The following EXT1 variants were observed in gnomAD, a reference collection of about 807,000 sequenced individuals.
EXT1 encodes exostosin-1.
Under a neutral mutation model 82.5 loss-of-function variants are expected in EXT1, and 20 were observed. The observed-to-expected ratio is 0.24, with a 90% CI of 0.17 to 0.35. The LOEUF (loss-of-function observed/expected upper bound fraction) is 0.35. Among genes scored for constraint, EXT1 ranks in the 10% least tolerant of loss-of-function variants. EXT1 has a pLI of 1.00. For missense variants in EXT1, 757 were observed against 936.5 expected (o/e 0.81, Z 2.50); for synonymous variants, 348 against 350.8 (o/e 0.99, Z 0.09).
intron 1 of EXT1, among the ~76,000 whole-genome samples, chr8:118,051,740 C>T (rs2129925065): frequency 6.6e-6 from 1 of 151,294 alleles, no homozygotes; most frequent in Middle Eastern, 3.4e-3. Flanking sequence ...CAGGTAAACC[C>T]AATCAGCTAT....
intron 1 of EXT1, among the ~76,000 whole-genome samples, chr8:118,051,033 AC>A: frequency 6.6e-6 from 1 of 152,234 alleles, no homozygotes; most frequent in Non-Finnish European, 1.5e-5. Context: ...TAATCCATAC[AC>A]ACAAATATAG....
intron 1 of EXT1, among the ~76,000 whole-genome samples, chr8:117,846,106 T>A (rs1267622421): frequency 6.6e-6 from 1 of 152,164 alleles, no homozygotes; most frequent in East Asian, 1.9e-4. Flanking sequence ...CACCAGCTTT[T>A]TCTTTTTTCC....
intron 1 of EXT1, among the ~76,000 whole-genome samples, chr8:117,949,397 CAGAG>C (rs779009367): frequency 1.9e-4 from 28 of 151,230 alleles, no homozygotes; most frequent in Non-Finnish European, 4.0e-4. Flanking sequence ...AATAATGGAC[CAGAG>C]AGAAAGTTGA....
intron 1 of EXT1, among the ~76,000 whole-genome samples, chr8:118,096,574 G>A (rs1013614746): frequency 2.7e-5 from 4 of 149,452 alleles, no homozygotes; most frequent in Admixed American, 2.0e-4. Flanking sequence ...GCGGCCTGGC[G>A]ACAGAGCAAG....
At chr8:117,923,581 C>A (rs1813898404) in intron 1 of EXT1, among the ~76,000 whole-genome samples, 1 of 151,658 alleles carries the variant, frequency 6.6e-6, no homozygotes. Context: ...AAAAAATTAG[C>A]CAGGCATGGT....
At chr8:117,864,234 G>A (rs899982430) in intron 1 of EXT1, among the ~76,000 whole-genome samples, 4 of 152,106 alleles carry the variant, frequency 2.6e-5, no homozygotes, top group Non-Finnish European at 5.9e-5. Context: ...CCAGACTAAG[G>A]AACAGGTTTA....
intron 1 of EXT1, among the ~76,000 whole-genome samples, chr8:117,969,773 A>G (rs1814901865): frequency 6.6e-6 from 1 of 152,152 alleles, no homozygotes; most frequent in African/African-American, 2.4e-5. Flanking sequence ...AGCTTATTGA[A>G]TATTTCCACC....
At chr8:118,051,415 A>C (rs931340467) in intron 1 of EXT1, among the ~76,000 whole-genome samples, 3 of 152,232 alleles carry the variant, frequency 2.0e-5, no homozygotes, top group Admixed American at 2.0e-4. Context: ...TTATCCTTTT[A>C]TTCTCGCTAT....
chr8:117,949,512 G>A (rs538857446), intron 1 of EXT1, among the ~76,000 whole-genome samples: 1 of 148,718 alleles, frequency 6.7e-6, no homozygotes, highest in East Asian at 1.9e-4. Context: ...ATGTATATAT[G>A]ATATATAAAT....
intron 1 of EXT1, among the ~76,000 whole-genome samples, chr8:118,058,916 T>A (rs976709197): frequency 1.8e-4 from 28 of 152,216 alleles, no homozygotes; most frequent in Non-Finnish European, 3.5e-4. Flanking sequence ...TCAGCTTCCC[T>A]CAATCCAACC....
chr8:117,973,851 GAAAGGAAAGGAAAGGA>G (rs1815001975), intron 1 of EXT1, among the ~76,000 whole-genome samples: 1 of 139,798 alleles, frequency 7.2e-6, no homozygotes, highest in Non-Finnish European at 1.5e-5. Flanking sequence ...GAAAGGAAAG[GAAAGGAAAGGAAAGGA>G]AAGGAAAGGA....
At chr8:117,810,057 A>C (rs976654747) in intron 8 of EXT1, among the ~76,000 whole-genome samples, 1 of 152,240 alleles carries the variant, frequency 6.6e-6, no homozygotes, top group Non-Finnish European at 1.5e-5. Flanking sequence ...TGATAGCTCT[A>C]ATTTCATGCA....
At chr8:118,027,339 AC>A (rs1816220955) in intron 1 of EXT1, among the ~76,000 whole-genome samples, 2 of 151,800 alleles carry the variant, frequency 1.3e-5, no homozygotes, top group Admixed American at 1.3e-4. Flanking sequence ...ACACACACAC[AC>A]ACACACACAC....
intron 1 of EXT1, among the ~76,000 whole-genome samples, chr8:117,882,330 G>A (rs1461326371): frequency 1.3e-5 from 2 of 152,182 alleles, no homozygotes; most frequent in Admixed American, 6.5e-5. Context: ...TGATCCGCCC[G>A]CCTTGGCCTC....
At chr8:117,865,800 C>A (rs771155946) in intron 1 of EXT1, among the ~76,000 whole-genome samples, 88 of 152,060 alleles carry the variant, frequency 5.8e-4, no homozygotes, top group Non-Finnish European at 1.1e-3. Flanking sequence ...ATATTTACAC[C>A]GAGTTATATT....
Position 118,010,868 on chromosome 8 carries a change from G to A in EXT1, c.962+99217C>T, listed in dbSNP as rs1258481255. Among the ~76,000 whole-genome samples, 5 of 152,188 alleles carry A rather than the reference G, an allele frequency of 3.3e-5. No homozygotes were observed. The South Asian group carries it at 6.2e-4, about 19-fold the overall frequency. ...GCTAGAAGCCACTTCCGTGGCAGAC[G>A]CTCTGGGTGCCAAGGTTTACAGTAA... On this transcript the variant is annotated intron_variant, in intron 1 of 10. Transcript: ENST00000378204.
At chr8:117,996,812 A>T (rs183112024) in intron 1 of EXT1, among the ~76,000 whole-genome samples, 68 of 152,352 alleles carry the variant, frequency 4.5e-4, no homozygotes, top group African/African-American at 1.5e-3. Context: ...GGCTCATTGT[A>T]ACACAATTGA....
chr8:118,001,650 T>C (rs1419173225), intron 1 of EXT1, among the ~76,000 whole-genome samples: 1 of 152,182 alleles, frequency 6.6e-6, no homozygotes, highest in Non-Finnish European at 1.5e-5. Context: ...TATTTATTAA[T>C]TGTAAGAAAA....
chr8:117,825,511 G>A (rs1291183361), intron 4 of EXT1, among the ~76,000 whole-genome samples: 1 of 151,912 alleles, frequency 6.6e-6, no homozygotes, highest in Non-Finnish European at 1.5e-5. Context: ...GACTTTTTTT[G>A]TTATGGTCCT....
Sources: gnomAD v4.1 joint callset for allele counts (sites outside exome capture counted in the v4.1 genomes callset) on GRCh38, gnomAD v4.1.1 for gene constraint, MANE v1.5 for transcripts, NCBI Gene and HGNC (gene_info 2026-07-23, HGNC 2026-07-21) for gene names.